Variants in PPP1CA observed in about 807,000 individuals in gnomAD.
PPP1CA encodes the protein protein phosphatase 1 catalytic subunit alpha, also known as serine/threonine-protein phosphatase PP1-alpha catalytic subunit.
In PPP1CA, 14 loss-of-function variants were observed where a neutral mutation model predicts 38.5. The observed-to-expected ratio is 0.36, with a 90% CI of 0.24 to 0.57. The LOEUF is 0.57. PPP1CA is among the 20% of genes least tolerant of loss of function. The pLI, the probability that PPP1CA is intolerant of heterozygous loss-of-function variation, is 0.80. For missense variants in PPP1CA, 277 were observed against 435.2 expected (o/e 0.64, Z 3.23); for synonymous variants, 200 against 177.3 (o/e 1.13, Z -1.02).
At chr11:67,400,611 G>A (rs935277034) in intron 3 of PPP1CA, 78 bp downstream of exon 3, 1 of 1,378,108 alleles carries the variant, frequency 7.3e-7, no homozygotes, top group Non-Finnish European at 1.0e-6. Context: ...TCAGATATCA[G>A]GCCAATGTGA....
Position 67,398,826 on chromosome 11 carries a change from TG to T in PPP1CA, c.777del (p.Lys260SerfsTer5), listed in dbSNP as rs1377395060. ...GAGAAAAGTGTCACCAGCTGCCGCT[TG>T]GCAAAGAACTCGTAGCCGTCTTCTA... Reference protein sequence around the residue: ...QVVEDGYEFFAKRQLVTLFSA... With the variant: ...QVVEDGYEFFXKRQLVTLFSA... On this transcript the variant is annotated frameshift_variant, in exon 6 of 7. Transcript: ENST00000376745. LOFTEE classifies it high-confidence loss of function. The T allele has an allele frequency of 6.2e-7, 1 of 1,613,486 alleles. No homozygotes were observed. Among genetic ancestry groups the T allele is most frequent in the Non-Finnish European group, 8.5e-7 (1 of 1,180,018 alleles).
In PPP1CA at chr11:67,398,553, G is replaced by C. The variant is rs767893383; in HGVS notation, c.975C>G (p.Ser325=). ...GGRPITPPRN[S]AKAKK ...GCGGGGGCTATTTCTTGGCTTTGGC[G>C]GAATTGCGGGGTGGGGTGATGGGTC... Residue 325 remains serine, a synonymous_variant, in exon 7 of 7, where the codon TCC becomes TCG. Transcript: ENST00000376745. 2 of 1,614,072 alleles carry C rather than the reference G, an allele frequency of 1.2e-6. No individual in the cohort carries two copies. The highest frequency in any genetic ancestry group is 4.5e-5 in the East Asian group (2 of 44,876).
At chr11:67,401,493 A>C (rs560419399) in intron 1 of PPP1CA, 93 of 584,878 alleles carry the variant, frequency 1.6e-4, no homozygotes, top group African/African-American at 1.5e-3. Flanking sequence ...CCTCGCCCCA[A>C]GAGCCCAGGC....
At position 67,398,326 on chromosome 11, in the gene PPP1CA, T is replaced by C; in HGVS notation, c.*209A>G. On this transcript the variant is annotated 3_prime_UTR_variant, in exon 7 of 7. Transcript: ENST00000376745. ...TGCAGCCTCGGCCCCAGGATCCTGCTCACAGTCACCGCAGGTGCAGGCAGG... is the reference window on the plus strand; with the variant it reads ...TGCAGCCTCGGCCCCAGGATCCTGCCCACAGTCACCGCAGGTGCAGGCAGG... The C allele has an allele frequency of 1.7e-6, 1 of 597,314 alleles. No homozygotes were observed. The allele number at this position is 597,314 out of a possible 1,614,324, so 37.0% of individuals were successfully genotyped here.
In PPP1CA at chr11:67,398,861, G is replaced by A; in HGVS notation, c.748-5C>T. ...CTCGTAGCCGTCTTCTACCACCTGG[G>A]CGAGGATGGGAGCAGTCAGTCCCGA... On this transcript the variant is annotated splice_polypyrimidine_tract_variant and splice_region_variant and intron_variant, in intron 5 of 6. Coordinates refer to ENST00000376745, the MANE Select transcript of PPP1CA (RefSeq NM_002708.4). The A allele has an allele frequency of 6.2e-7, 1 of 1,612,380 alleles. No homozygotes were observed. Among genetic ancestry groups the A allele is most frequent in the Non-Finnish European group, 8.5e-7 (1 of 1,179,988 alleles).
In PPP1CA at chr11:67,399,625, A is replaced by C. The variant is rs1590936266; in HGVS notation, c.459T>G (p.Thr153=). ...RYNIKLWKTF[T]DCFNCLPIAA... is the part of the protein sequence containing the mutation. ...CGATGGGCAGGCAGTTGAAGCAGTC[A>C]GTGAAGGTTTTCCACAGTTTGATGT... Residue 153 remains threonine, a synonymous_variant, in exon 4 of 7, where the codon ACT becomes ACG. Transcript: ENST00000376745. 1.2e-6 allele frequency: 2 copies of C among 1,614,140 alleles called. No homozygotes were observed. Among genetic ancestry groups the C allele is most frequent in the East Asian group, 2.2e-5 (1 of 44,890 alleles).
In PPP1CA at chr11:67,398,523, G is replaced by A. The variant is rs760672467; in HGVS notation, c.*12C>T. On this transcript the variant is annotated 3_prime_UTR_variant, in exon 7 of 7. Transcript: ENST00000376745. ...CAATCCATCATCTGGGGCACAGGGTGGTGTGCGGGGGCTATTTCTTGGCTT... is the reference window on the plus strand; with the variant it reads ...CAATCCATCATCTGGGGCACAGGGTAGTGTGCGGGGGCTATTTCTTGGCTT... 3.1e-6 allele frequency: 5 copies of A among 1,609,936 alleles called. No individual in the cohort carries two copies. The Admixed American group carries it at 6.7e-5, about 21-fold the overall frequency.
At chr11:67,401,548 G>T (rs1331535626) in intron 1 of PPP1CA, 180 bp downstream of exon 1, 2 of 550,586 alleles carry the variant, frequency 3.6e-6, no homozygotes, top group Admixed American at 7.5e-5. Flanking sequence ...GCTGCTCCGC[G>T]CGTCGGAGCT....
In PPP1CA at chr11:67,401,110, G is replaced by A; in HGVS notation, c.145C>T (p.Gln49Ter). 3.7e-6 allele frequency: 6 copies of A among 1,613,950 alleles called. No individual in the cohort carries two copies. The highest frequency in any genetic ancestry group is 5.1e-6 in the Non-Finnish European group (6 of 1,180,016). The change falls in exon 2 of 7, where the codon CAG (glutamine) becomes TAG (stop). Residue 49 changes from glutamine to a stop codon, truncating the protein, a stop_gained. Coordinates refer to ENST00000376745, the MANE Select transcript of PPP1CA (RefSeq NM_002708.4). LOFTEE classifies it high-confidence loss of function. The part of the protein sequence containing the change: ...CLKSREIFLS[Q>*]PILLELEAPL... ...GCCTCCAGCTCCAGAAGAATGGGCT[G>A]GCTCAGAAAAATCTCCCGGGATTTC...
Position 67,400,764 on chromosome 11 carries a change from G to A in PPP1CA, c.343C>T (p.Pro115Ser), listed in dbSNP as rs971784412. 6.8e-6 allele frequency: 11 copies of A among 1,613,970 alleles called. No homozygotes were observed. The highest frequency in any genetic ancestry group is 9.3e-6 in the Non-Finnish European group (11 of 1,180,038). ...CCACGGAGCAGGAAGAAGTTCTCGGGGTACTTGATCTTATAGGCCAGCAGC... is the reference window on the plus strand; with the variant it reads ...CCACGGAGCAGGAAGAAGTTCTCGGAGTACTTGATCTTATAGGCCAGCAGC... ...CLLLAYKIKY[P>S]ENFFLLRGNH... is the part of the protein sequence containing the mutation. The change falls in exon 3 of 7, where the codon CCC (proline) becomes TCC (serine). Residue 115 changes from proline to serine, a missense_variant. Physicochemically the swap from Pro to Ser is moderately conservative, Grantham distance 74. Transcript: ENST00000376745.
intron 3 of PPP1CA, among the ~76,000 whole-genome samples, chr11:67,400,350 T>C (rs1488668343): frequency 6.6e-6 from 1 of 152,218 alleles, no homozygotes; most frequent in Non-Finnish European, 1.5e-5. Context: ...CCCCCACCCA[T>C]GAGCCGGGCC....
chr11:67,400,566 C>G, intron 3 of PPP1CA, 123 bp downstream of exon 3: 1 of 986,670 alleles, frequency 1.0e-6, no homozygotes, highest in Non-Finnish European at 1.5e-6. Context: ...ACCTGGGCCC[C>G]GCCTTCGTGG....
At position 67,401,774 on chromosome 11, in the gene PPP1CA, G is replaced by T; in HGVS notation, c.9C>A (p.Asp3Glu). Residue 3 changes from aspartate (D) to glutamate (E), a missense_variant, in exon 1 of 7, where the codon GAC becomes GAA. Asp to Glu is a conservative substitution (Grantham distance 45, BLOSUM62 2). Around this residue, in one of 3 missense-constraint regions of PPP1CA, gnomAD observed 44 missense variants for 27.4 expected, o/e 1.60. Coordinates refer to ENST00000376745, the MANE Select transcript of PPP1CA (RefSeq NM_002708.4). ...TCGAGTCCAGGTTGAGCTTCTCGCT[G>T]TCGGACATGGCGGCGCCGCCGCTCC... The part of the protein sequence containing the change: MS[D>E]SEKLNLDSII... 1 of 1,473,870 alleles carries T rather than the reference G, an allele frequency of 6.8e-7. No individual in the cohort carries two copies. Among genetic ancestry groups the T allele is most frequent in the South Asian group, 1.3e-5 (1 of 76,344 alleles). The allele number at this position is 1,473,870 out of a possible 1,614,324, so 91.3% of individuals were successfully genotyped here.
chr11:67,401,240 G>C, intron 1 of PPP1CA, 41 bp from the exon 2 acceptor site: 2 of 1,607,906 alleles, frequency 1.2e-6, no homozygotes, highest in Non-Finnish European at 1.7e-6. Context: ...ACCCTGACAG[G>C]AGGAGGGTGG....
chr11:67,401,715 C>A lies in PPP1CA; in HGVS notation c.55+13G>T, dbSNP rs770487646. On this transcript the variant is annotated intron_variant, in intron 1 of 6. Coordinates refer to ENST00000376745, the MANE Select transcript of PPP1CA (RefSeq NM_002708.4). ...GGGCGCGGCGGACGCGGGCCTCCCC[C>A]GCCCCGACCAACCTTCCAGCAGGCG... 1.4e-6 allele frequency: 2 copies of A among 1,454,732 alleles called. No homozygotes were observed. Among genetic ancestry groups the A allele is most frequent in the South Asian group, 1.4e-5 (1 of 73,110 alleles). The allele number at this position is 1,454,732 out of a possible 1,614,324, so 90.1% of individuals were successfully genotyped here. A position where few individuals can be genotyped will look rare whatever the true frequency, so the allele number is the denominator to read the frequency against.
chr11:67,400,406 C>G (rs1862859636), intron 3 of PPP1CA, among the ~76,000 whole-genome samples: 1 of 152,226 alleles, frequency 6.6e-6, no homozygotes, highest in Non-Finnish European at 1.5e-5. Context: ...CAGAGCCCAT[C>G]TGCAAACATC....
Position 67,401,406 on chromosome 11 carries a change from C to T in PPP1CA, c.56-207G>A, listed in dbSNP as rs574463708. 4.8e-6 allele frequency: 4 copies of T among 831,666 alleles called. No individual in the cohort carries two copies. The South Asian group carries it at 5.4e-5, about 11-fold the overall frequency. 51.5% of individuals were successfully genotyped at this position (831,666 alleles called of 1,614,324 possible). A position where few individuals can be genotyped will look rare whatever the true frequency, so the allele number is the denominator to read the frequency against. On this transcript the variant is annotated intron_variant, in intron 1 of 6. Coordinates refer to ENST00000376745, the MANE Select transcript of PPP1CA (RefSeq NM_002708.4). ...CTACCCTCAGCGCCTCGGGAGGCGA[C>T]TGTCGTGCGCAGGGGGCTGCCACCA...
In PPP1CA at chr11:67,398,923, C is replaced by A. The variant is rs765273887; in HGVS notation, c.747+17G>T. On this transcript the variant is annotated intron_variant, in intron 5 of 6. Coordinates refer to ENST00000376745, the MANE Select transcript of PPP1CA (RefSeq NM_002708.4). ...GCCCTCCCCTTCCCCTGCCGCAGGC[C>A]GGAGCCACCAGCCCACCTGGTGTGC... 1 of 1,612,640 alleles carries A rather than the reference C, an allele frequency of 6.2e-7. No homozygotes were observed. The highest frequency in any genetic ancestry group is 8.5e-7 in the Non-Finnish European group (1 of 1,179,934).
chr11:67,399,594 T>C lies in PPP1CA; in HGVS notation c.490A>G (p.Ile164Val), dbSNP rs1353594037. The C allele has an allele frequency of 3.7e-6, 6 of 1,614,108 alleles. 1 individual carries two copies. In the South Asian group the frequency reaches 5.5e-5, roughly 15 times the overall value. The change falls in exon 4 of 7, where the codon ATA (isoleucine) becomes GTA (valine). Residue 164 changes from isoleucine to valine, a missense_variant. Physicochemically the swap from Ile to Val is conservative, Grantham distance 29. Around this residue, in one of 3 missense-constraint regions of PPP1CA, gnomAD observed 180 missense variants for 356.7 expected, o/e 0.50. Transcript: ENST00000376745. ...CAGCAGAAGATCTTTTCGTCCACTA[T>C]GGCCGCGATGGGCAGGCAGTTGAAG... ...DCFNCLPIAA[I>V]VDEKIFCCHG...
Sources: gnomAD v4.1 joint callset for allele counts (sites outside exome capture counted in the v4.1 genomes callset) on GRCh38, gnomAD v4.1.1 for gene constraint, gnomAD v4.1.1 regional missense constraint, MANE v1.5 for transcripts, NCBI Gene and HGNC (gene_info 2026-07-23, HGNC 2026-07-21) for gene names.